Variants in CLEC20A observed in about 807,000 individuals in gnomAD.
CLEC20A encodes the protein putative C-type lectin domain family 20 member A.
At chr1:178,490,852 A>T (rs1383406118) in intron 3 of CLEC20A, among the ~76,000 whole-genome samples, 1 of 152,152 alleles carries the variant, frequency 6.6e-6, no homozygotes, top group Non-Finnish European at 1.5e-5. Flanking sequence ...TTCGGGGGAG[A>T]TTATGAGGAA....
At chr1:178,486,048 G>A (rs977095921) in intron 5 of CLEC20A, among the ~76,000 whole-genome samples, 15 of 152,300 alleles carry the variant, frequency 9.8e-5, no homozygotes, top group Admixed American at 8.5e-4. Context: ...TAGGAAACTT[G>A]CATAAGGCCA....
At chr1:178,496,298 C>G (rs892711764) in intron 1 of CLEC20A, 4 of 153,102 alleles carry the variant, frequency 2.6e-5, no homozygotes, top group Non-Finnish European at 2.9e-5. Flanking sequence ...GACCCCTCTA[C>G]CCTCGGCAGT....
At chr1:178,493,654 A>T (rs2101876724) in intron 2 of CLEC20A, 1 of 152,394 alleles carries the variant, frequency 6.6e-6, no homozygotes, top group East Asian at 1.9e-4. Context: ...TCCCGCAAAG[A>T]TGCCCGAAGA....
At chr1:178,489,926 C>G (rs937913969) in intron 4 of CLEC20A, 146 bp downstream of exon 4, 2 of 397,016 alleles carry the variant, frequency 5.0e-6, no homozygotes, top group African/African-American at 4.1e-5. Flanking sequence ...ATCTCAGGAG[C>G]CTGCTCCAGA....
intron 7 of CLEC20A, 83 bp downstream of exon 7, chr1:178,482,229 A>G (rs1345517442): frequency 5.0e-6 from 2 of 397,976 alleles, no homozygotes; most frequent in Non-Finnish European, 8.9e-6. Context: ...CAGGTTTTCC[A>G]CCTTAATATA....
chr1:178,486,677 C>G, intron 5 of CLEC20A: 1 of 398,644 alleles, frequency 2.5e-6, no homozygotes, highest in Non-Finnish European at 4.4e-6. Context: ...CGGGTGGCAT[C>G]GAGTGTGGGG....
At chr1:178,482,050 C>T (rs546958347) in intron 7 of CLEC20A, 5 of 295,644 alleles carry the variant, frequency 1.7e-5, no homozygotes, top group African/African-American at 2.2e-5. Flanking sequence ...TCCCTCTGAC[C>T]GTGCTGTCTT....
chr1:178,484,835 G>A (rs184082734), intron 5 of CLEC20A, among the ~76,000 whole-genome samples: 32 of 151,972 alleles, frequency 2.1e-4, no homozygotes, highest in Non-Finnish European at 4.0e-4. Context: ...AAATCAATTC[G>A]CTGTCATGTC....
At chr1:178,486,297 C>T (rs755345706) in intron 5 of CLEC20A, 5 of 397,532 alleles carry the variant, frequency 1.3e-5, no homozygotes, top group Non-Finnish European at 2.2e-5. Context: ...ACACCACACC[C>T]CACCTCTCAT....
chr1:178,496,691 A>T (rs1649402200), intron 1 of CLEC20A: 1 of 397,072 alleles, frequency 2.5e-6, no homozygotes, highest in South Asian at 1.4e-4. Flanking sequence ...TGCCTTCTGG[A>T]CGCTGGCTGA....
chr1:178,494,530 C>A lies in CLEC20A; in HGVS notation c.321G>T (p.Thr107=), dbSNP rs549740809. ...TGGGTAATTTCAGCCAAGTGTACAG[C>A]GTGGCACAGAAGCCCACCCCAAATT... Residue 107 remains threonine (T), a synonymous_variant, in exon 2 of 8, where the codon ACG becomes ACT. Transcript: ENST00000623247. 12 of 399,474 alleles carry A rather than the reference C, an allele frequency of 3.0e-5. No homozygotes were observed. In the East Asian group the frequency reaches 3.9e-4, roughly 13 times the overall value. The allele number at this position is 399,474 out of a possible 1,614,324, so 24.7% of individuals were successfully genotyped here.
chr1:178,494,534 G>A, exon 2 of CLEC20A: 1 of 399,532 alleles, frequency 2.5e-6, no homozygotes, highest in East Asian at 3.6e-5. Context: ...GTACAGCGTG[G>A]CACAGAAGCC....
upstream of CLEC20A, among the ~76,000 whole-genome samples, chr1:178,498,761 C>T (rs551962958): frequency 6.6e-6 from 1 of 152,310 alleles, no homozygotes; most frequent in African/African-American, 2.4e-5. Context: ...CGAAGACTTT[C>T]AGGAACACAG....
At chr1:178,496,067 G>A (rs1649381233) in intron 1 of CLEC20A, 1 of 152,308 alleles carries the variant, frequency 6.6e-6, no homozygotes, top group Non-Finnish European at 1.5e-5. Context: ...CCACCGTAGG[G>A]GAGGATGCTT....
chr1:178,485,681 CTCATCTTGGTA>C (rs1649115979), intron 5 of CLEC20A, among the ~76,000 whole-genome samples: 1 of 152,180 alleles, frequency 6.6e-6, no homozygotes, highest in East Asian at 1.9e-4. Context: ...AACAGCCCTG[CTCATCTTGGTA>C]TCCACAGTTC....
chr1:178,489,594 G>A (rs555757894), intron 4 of CLEC20A, among the ~76,000 whole-genome samples: 11 of 152,138 alleles, frequency 7.2e-5, no homozygotes, highest in East Asian at 3.9e-4. Context: ...CCCGTCCACC[G>A]GGGCCCACTC....
exon 2 of CLEC20A, chr1:178,494,456 C>T (rs2746325): frequency 0.26 from 103,486 of 399,832 alleles, 14,609 homozygotes; most frequent in African/African-American, 0.42. Flanking sequence ...GAACACACCA[C>T]AGTAGCAGAG....
At chr1:178,479,925 A>G (rs1187568449) in intron 7 of CLEC20A, 1 of 187,222 alleles carries the variant, frequency 5.3e-6, no homozygotes, top group Non-Finnish European at 1.1e-5. Context: ...AAAAGAAAAA[A>G]AACAGAGGAG....
chr1:178,485,760 A>G (rs567580339), intron 5 of CLEC20A, among the ~76,000 whole-genome samples: 36 of 152,322 alleles, frequency 2.4e-4, no homozygotes, highest in African/African-American at 7.9e-4. Flanking sequence ...TCATCTACCA[A>G]TGTGCACTAT....
Sources: gnomAD v4.1 joint callset for allele counts (sites outside exome capture counted in the v4.1 genomes callset) on GRCh38, gnomAD v4.1.1 for gene constraint, MANE v1.5 for transcripts, NCBI Gene and HGNC (gene_info 2026-07-23, HGNC 2026-07-21) for gene names.